The following JMY variants were observed in gnomAD, a reference collection of about 807,000 sequenced individuals.
JMY encodes junction-mediating and -regulatory protein.
In JMY, 46 loss-of-function variants were observed where a neutral mutation model predicts 103.3. The observed-to-expected ratio is 0.45, with a 90% CI of 0.35 to 0.57. The LOEUF is 0.57. Among genes scored for constraint, JMY ranks in the 20% least tolerant of loss-of-function variants. The pLI is 0.00. For missense variants in JMY, 1,238 were observed against 1,255.2 expected (o/e 0.99, Z 0.21); for synonymous variants, 526 against 489.3 (o/e 1.07, Z -0.99).
intron 1 of JMY, among the ~76,000 whole-genome samples, chr5:79,250,730 T>TAA (rs1243774998): frequency 4.1e-4 from 62 of 151,380 alleles, no homozygotes; most frequent in Non-Finnish European, 7.5e-4. Flanking sequence ...ACTAGAAATT[T>TAA]TACCCCACTA....
chr5:79,314,507 C>T lies in JMY; in HGVS notation c.2315C>T (p.Pro772Leu). Residue 772 changes from proline (P) to leucine (L), a missense_variant, in exon 9 of 11, where the codon CCT (proline) becomes CTT (leucine). By Grantham distance (98) the Pro-to-Leu change is moderately conservative (BLOSUM62 -3). Transcript: ENST00000396137. ...SLTQLEATSL[P>L]LSGVTSELPP... ...ACACAACTTGAAGCCACCTCATTAC[C>T]TCTCAGTGGTGTTACCTCTGAACTG... is the stretch of plus-strand genomic sequence containing the variant. 1 of 1,614,062 alleles carries T rather than the reference C, an allele frequency of 6.2e-7. No homozygotes were observed. Among genetic ancestry groups the T allele is most frequent in the Non-Finnish European group, 8.5e-7 (1 of 1,179,938 alleles).
intron 1 of JMY, among the ~76,000 whole-genome samples, chr5:79,250,626 A>G (rs1263526063): frequency 7.5e-6 from 1 of 133,946 alleles, no homozygotes; most frequent in Non-Finnish European, 1.6e-5. Flanking sequence ...TGTGTTAGGT[A>G]TTTTTTAATT....
chr5:79,264,836 ATAG>A (rs1224402577), intron 1 of JMY, among the ~76,000 whole-genome samples: 1 of 152,220 alleles, frequency 6.6e-6, no homozygotes, highest in African/African-American at 2.4e-5. Context: ...TTTAGTTTAA[ATAG>A]TAGTCATTAA....
intron 2 of JMY, among the ~76,000 whole-genome samples, chr5:79,287,676 A>G (rs1372444541): frequency 2.0e-5 from 3 of 152,178 alleles, no homozygotes; most frequent in Non-Finnish European, 4.4e-5. Context: ...AGAAAAATTT[A>G]AAGTCAGTTA....
In JMY at chr5:79,237,438, C is replaced by T. The variant is rs1209398768; in HGVS notation, c.788C>T (p.Pro263Leu). The T allele has an allele frequency of 2.2e-5, 35 of 1,613,728 alleles. No homozygotes were observed. Among genetic ancestry groups the T allele is most frequent in the Non-Finnish European group, 2.6e-5 (31 of 1,180,020 alleles). Residue 263 changes from proline to leucine, a missense_variant, in exon 1 of 11, where the codon CCT (proline) becomes CTT (leucine). By Grantham distance (98) the Pro-to-Leu change is moderately conservative. Transcript: ENST00000396137. ...TGCCTGCCGGTGTTCCCCGAGGAACCTTCGGGCATGTGGACTGTGCTGTTT... is the reference window on the plus strand; with the variant it reads ...TGCCTGCCGGTGTTCCCCGAGGAACTTTCGGGCATGTGGACTGTGCTGTTT... ...EPCLPVFPEE[P>L]SGMWTVLFGG...
intron 4 of JMY, among the ~76,000 whole-genome samples, chr5:79,299,525 G>A (rs971774644): frequency 6.6e-6 from 1 of 151,336 alleles, no homozygotes; most frequent in Non-Finnish European, 1.5e-5. Flanking sequence ...CACTTTATGA[G>A]CCATGCCCAG....
At chr5:79,248,207 T>C (rs1744965683) in intron 1 of JMY, among the ~76,000 whole-genome samples, 1 of 152,038 alleles carries the variant, frequency 6.6e-6, no homozygotes, top group African/African-American at 2.4e-5. Context: ...CTTTTGTATT[T>C]TTAGTAGAGA....
At chr5:79,245,882 C>T (rs867063764) in intron 1 of JMY, among the ~76,000 whole-genome samples, 2 of 152,162 alleles carry the variant, frequency 1.3e-5, no homozygotes, top group South Asian at 4.1e-4. Context: ...GCCTCAGCCT[C>T]CCAAAGTTCT....
intron 7 of JMY, among the ~76,000 whole-genome samples, chr5:79,309,823 C>G (rs928677551): frequency 6.6e-6 from 1 of 152,024 alleles, no homozygotes; most frequent in Non-Finnish European, 1.5e-5. Flanking sequence ...AGTCAGGGGA[C>G]CAGCATGACA....
At chr5:79,296,309 A>G (rs1467628011) in intron 4 of JMY, among the ~76,000 whole-genome samples, 1 of 152,242 alleles carries the variant, frequency 6.6e-6, no homozygotes, top group African/African-American at 2.4e-5. Flanking sequence ...TGGAATTCAG[A>G]TAATTCTGTC....
chr5:79,250,527 A>G (rs1745052846), intron 1 of JMY, among the ~76,000 whole-genome samples: 1 of 152,180 alleles, frequency 6.6e-6, no homozygotes, highest in Admixed American at 6.6e-5. Flanking sequence ...TGAAATAACT[A>G]TTAAAGAAAT....
chr5:79,247,570 G>A (rs1255899089), intron 1 of JMY, among the ~76,000 whole-genome samples: 1 of 152,134 alleles, frequency 6.6e-6, no homozygotes, highest in African/African-American at 2.4e-5. Flanking sequence ...GCCTGCCTCA[G>A]TCTCCTAAAG....
At chr5:79,250,744 ATTCT>A (rs1580329829) in intron 1 of JMY, among the ~76,000 whole-genome samples, 1 of 149,264 alleles carries the variant, frequency 6.7e-6, no homozygotes, top group East Asian at 2.0e-4. Context: ...CCCACTATTA[ATTCT>A]TTCTAATTAT....
At position 79,237,018 on chromosome 5, in the gene JMY, T is replaced by C; in HGVS notation, c.368T>C (p.Leu123Pro). ...TCTCCTCGGAGCACTCGCAGCCTTC[T>C]GGGGGACCCGCGGCTGCGGAGTCCT... ...GGSPRSTRSL[L>P]GDPRLRSPGS... Residue 123 changes from leucine to proline, a missense_variant, in exon 1 of 11, where the codon CTG (leucine) becomes CCG (proline). Leu to Pro is a moderately conservative substitution (Grantham distance 98). Transcript: ENST00000396137. 6.7e-7 allele frequency: 1 copy of C among 1,497,402 alleles called. No individual in the cohort carries two copies. Among genetic ancestry groups the C allele is most frequent in the Non-Finnish European group, 8.9e-7 (1 of 1,122,062 alleles). 92.8% of individuals were successfully genotyped at this position (1,497,402 alleles called of 1,614,324 possible).
intron 1 of JMY, among the ~76,000 whole-genome samples, chr5:79,247,704 G>A (rs1209642122): frequency 1.3e-5 from 2 of 151,700 alleles, no homozygotes; most frequent in Non-Finnish European, 2.9e-5. Context: ...CCAGGATGGA[G>A]TATAGTGGCA....
At chr5:79,259,012 G>C (rs1351437672) in intron 1 of JMY, among the ~76,000 whole-genome samples, 1 of 152,188 alleles carries the variant, frequency 6.6e-6, no homozygotes, top group Non-Finnish European at 1.5e-5. Flanking sequence ...TTGAGCAATA[G>C]AACAACTCAG....
intron 1 of JMY, among the ~76,000 whole-genome samples, chr5:79,266,122 C>CCTGT (rs1745581822): frequency 6.6e-6 from 1 of 152,302 alleles, no homozygotes; most frequent in East Asian, 1.9e-4. Flanking sequence ...TCCCATGTGG[C>CCTGT]CTGTCCTCTG....
intron 9 of JMY, among the ~76,000 whole-genome samples, chr5:79,315,701 C>A (rs1747196145): frequency 6.6e-6 from 1 of 152,198 alleles, no homozygotes; most frequent in African/African-American, 2.4e-5. Flanking sequence ...CTTTGGGAAT[C>A]ACACCCATAA....
chr5:79,293,611 T>G (rs1043421510), intron 4 of JMY, among the ~76,000 whole-genome samples: 11 of 152,128 alleles, frequency 7.2e-5, no homozygotes, highest in Non-Finnish European at 1.5e-4. Context: ...CTTGCCCCTT[T>G]AAGAATATGA....
Sources: allele counts gnomAD v4.1 joint callset (sites outside exome capture counted in the v4.1 genomes callset), GRCh38; gene constraint gnomAD v4.1.1; transcripts MANE v1.5; gene names NCBI Gene and HGNC (gene_info 2026-07-23, HGNC 2026-07-21).